ZFP2: variants seen among roughly 807,000 people sequenced by gnomAD.
ZFP2 encodes the protein ZFP2 zinc finger protein, also known as zinc finger protein ZFP2.
In ZFP2, 33 loss-of-function variants were observed where a neutral mutation model predicts 36.1. The observed-to-expected ratio is 0.92, with a 90% CI of 0.69 to 1.22. The LOEUF (loss-of-function observed/expected upper bound fraction) is 1.22, where lower values mean the gene tolerates loss of function less well. Ranked by LOEUF, ZFP2 falls within the 50% of genes most tolerant of loss-of-function variation. The pLI is 0.00. For missense variants in ZFP2, 522 were observed against 551.4 expected (o/e 0.95, Z 0.53); for synonymous variants, 170 against 178.0 (o/e 0.96, Z 0.36).
intron 1 of ZFP2, among the ~76,000 whole-genome samples, chr5:178,897,328 G>T (rs940749447): frequency 1.3e-5 from 2 of 152,152 alleles, no homozygotes; most frequent in African/African-American, 2.4e-5. Flanking sequence ...GAACACTAAT[G>T]AATATTTTCA....
intron 4 of ZFP2, among the ~76,000 whole-genome samples, chr5:178,919,304 A>T (rs1338051626): frequency 6.6e-6 from 1 of 152,198 alleles, no homozygotes; most frequent in Non-Finnish European, 1.5e-5. Context: ...TCCTGGATAA[A>T]TCCTTCTTCG....
intron 1 of ZFP2, chr5:178,909,637 A>G: frequency 1.4e-6 from 2 of 1,389,586 alleles, no homozygotes; most frequent in Non-Finnish European, 1.9e-6. Flanking sequence ...TAATTTCCCA[A>G]AAGGTCCAAT....
intron 4 of ZFP2, among the ~76,000 whole-genome samples, chr5:178,926,249 TTC>T (rs1758666866): frequency 7.1e-6 from 1 of 139,966 alleles, no homozygotes; most frequent in Admixed American, 7.4e-5. Context: ...TTTCTTCTCA[TTC>T]TCTGTTTTAA....
chr5:178,899,369 A>G (rs186916560), intron 1 of ZFP2, among the ~76,000 whole-genome samples: 3 of 152,338 alleles, frequency 2.0e-5, no homozygotes, highest in African/African-American at 7.2e-5. Flanking sequence ...ATAAAATAAT[A>G]AAAGTAAAAA....
At chr5:178,909,183 A>T (rs1020839734) in intron 1 of ZFP2, among the ~76,000 whole-genome samples, 3 of 144,890 alleles carry the variant, frequency 2.1e-5, no homozygotes, top group Admixed American at 6.8e-5. Context: ...TCCAGGGCTC[A>T]GGGCGTAAAA....
chr5:178,896,813 T>C (rs1757953981), intron 1 of ZFP2, among the ~76,000 whole-genome samples: 2 of 152,226 alleles, frequency 1.3e-5, no homozygotes, highest in African/African-American at 4.8e-5. Flanking sequence ...TGAGATGCAT[T>C]TGGTAAGGGG....
At chr5:178,917,823 T>C (rs1044140329) in intron 4 of ZFP2, among the ~76,000 whole-genome samples, 1 of 152,328 alleles carries the variant, frequency 6.6e-6, no homozygotes, top group Middle Eastern at 3.4e-3. Context: ...GGAAAACTGA[T>C]CTAAAATACT....
At chr5:178,918,277 A>G (rs895639863) in intron 4 of ZFP2, among the ~76,000 whole-genome samples, 3 of 152,224 alleles carry the variant, frequency 2.0e-5, no homozygotes, top group Admixed American at 1.3e-4. Flanking sequence ...TGACTGCTAT[A>G]TGGAGAGAAT....
At chr5:178,915,421 C>A (rs1490832709) in intron 3 of ZFP2, among the ~76,000 whole-genome samples, 3 of 129,240 alleles carry the variant, frequency 2.3e-5, no homozygotes, top group African/African-American at 5.8e-5. Context: ...TCAAGCAATT[C>A]TTCTGCCTCA....
intron 1 of ZFP2, chr5:178,910,589 G>C: frequency 2.2e-6 from 1 of 459,640 alleles, no homozygotes; most frequent in African/African-American, 2.0e-5. Context: ...CTTACACTTG[G>C]TGACACACTG....
At chr5:178,908,446 C>CA (rs775156998) in intron 1 of ZFP2, among the ~76,000 whole-genome samples, 28,387 of 135,950 alleles carry the variant, frequency 0.21, 2,923 homozygotes, top group Non-Finnish European at 0.25. Flanking sequence ...GACTCCATCT[C>CA]AAAAAAAAAA....
chr5:178,924,354 C>T (rs1242737254), intron 4 of ZFP2, among the ~76,000 whole-genome samples: 12 of 120,142 alleles, frequency 1.0e-4, no homozygotes, highest in Non-Finnish European at 1.8e-4. Flanking sequence ...GCCTGCATGA[C>T]AGAGAGAGAC....
intron 4 of ZFP2, among the ~76,000 whole-genome samples, chr5:178,917,391 G>T (rs1471701653): frequency 6.6e-6 from 1 of 152,112 alleles, no homozygotes; most frequent in Non-Finnish European, 1.5e-5. Flanking sequence ...GAGGCGGGCA[G>T]ATCTCTTGAG....
At chr5:178,923,179 A>G (rs1444782702) in intron 4 of ZFP2, among the ~76,000 whole-genome samples, 3 of 149,450 alleles carry the variant, frequency 2.0e-5, no homozygotes, top group East Asian at 3.9e-4. Flanking sequence ...TTTTTAGTGT[A>G]TCATTTGGAG....
intron 4 of ZFP2, 34 bp from the exon 5 acceptor site, chr5:178,931,203 A>G: frequency 4.7e-6 from 7 of 1,493,540 alleles, no homozygotes; most frequent in Non-Finnish European, 6.2e-6. Context: ...TAGCACAGAA[A>G]CCAATGTGCA....
intron 3 of ZFP2, 115 bp downstream of exon 3, chr5:178,913,186 C>T: frequency 2.3e-6 from 1 of 426,766 alleles, no homozygotes. Context: ...TCTCAGATGA[C>T]ACCTCCGCAT....
In ZFP2 at chr5:178,913,017, C is replaced by T; in HGVS notation, c.-278C>T. 1.0e-6 allele frequency: 1 copy of T among 985,900 alleles called. No individual in the cohort carries two copies. Among genetic ancestry groups the T allele is most frequent in the Non-Finnish European group, 1.2e-6 (1 of 829,964 alleles). The allele number at this position is 985,900 out of a possible 1,614,324, so 61.1% of individuals were successfully genotyped here. On this transcript the variant is annotated 5_prime_UTR_variant, in exon 3 of 5. Transcript: ENST00000361362. ...TTCCAAACCCAATGGGACTTCCCAG[C>T]TGGAACGAGAACTGAGTCTGATGCA...
chr5:178,927,584 C>A (rs1758705322), intron 4 of ZFP2, among the ~76,000 whole-genome samples: 1 of 151,374 alleles, frequency 6.6e-6, no homozygotes, highest in Non-Finnish European at 1.5e-5. Context: ...GCAACCTCCA[C>A]CTCCCGGGTT....
At chr5:178,908,313 G>A (rs2054623215) in intron 1 of ZFP2, among the ~76,000 whole-genome samples, 1 of 151,930 alleles carries the variant, frequency 6.6e-6, no homozygotes, top group African/African-American at 2.4e-5. Flanking sequence ...CTGGTGTGGT[G>A]GTGGTTGCCT....
Sources: gnomAD v4.1 joint callset for allele counts (sites outside exome capture counted in the v4.1 genomes callset) on GRCh38, gnomAD v4.1.1 for gene constraint, MANE v1.5 for transcripts, NCBI Gene and HGNC (gene_info 2026-07-23, HGNC 2026-07-21) for gene names.